The following CHADL variants were observed in gnomAD, a reference collection of about 807,000 sequenced individuals.
CHADL encodes the protein chondroadherin-like protein.
CHADL carries 48 observed loss-of-function variants against 52.1 expected under a neutral mutation model. The observed-to-expected ratio is 0.92, with a 90% CI of 0.73 to 1.17. The LOEUF is 1.17. Among genes scored for constraint, CHADL ranks in the 50% most tolerant of loss-of-function variants. The pLI is 0.00. For missense variants in CHADL, 977 were observed against 1,035.1 expected, an observed-to-expected ratio of 0.94 and a Z score of 0.77; for synonymous variants, 498 against 511.2, an observed-to-expected ratio of 0.97 and a Z score of 0.35.
chr22:41,233,187 C>T (rs760205178), intron 5 of CHADL, among the ~76,000 whole-genome samples: 20 of 152,186 alleles, frequency 1.3e-4, no homozygotes, highest in South Asian at 2.1e-4. Flanking sequence ...TTTGGCTGGG[C>T]GCAGTGGCTC....
chr22:41,233,743 T>C (rs1421680342), intron 5 of CHADL, among the ~76,000 whole-genome samples: 1 of 152,144 alleles, frequency 6.6e-6, no homozygotes, highest in Non-Finnish European at 1.5e-5. Context: ...GCTCCTAGCA[T>C]TTTGTTGTGG....
At position 41,238,441 on chromosome 22, in the gene CHADL, G is replaced by GCC; in HGVS notation, c.629_630dup (p.Leu211GlyfsTer81). 1 of 1,528,714 alleles carries GCC rather than the reference G, an allele frequency of 6.5e-7. No homozygotes were observed. Among genetic ancestry groups the GCC allele is most frequent in the Non-Finnish European group, 8.8e-7 (1 of 1,140,550 alleles). 94.7% of individuals were successfully genotyped at this position (1,528,714 alleles called of 1,614,324 possible). ...TGGAGCTCGTTGTGGTGTAGGCTGAGCCGTCTCAGGGCGGGCAGGCCAGCC... is the reference window on the plus strand; with the variant it reads ...TGGAGCTCGTTGTGGTGTAGGCTGAGCCCCGTCTCAGGGCGGGCAGGCCAGCC... On this transcript the variant is annotated frameshift_variant, in exon 3 of 6. Transcript: ENST00000216241. LOFTEE classifies it high-confidence loss of function. The surrounding 1 kb of genome is among the most constrained non-coding windows in gnomAD (Gnocchi z 4.9).
chr22:41,232,126 A>G (rs886513413), intron 5 of CHADL, among the ~76,000 whole-genome samples: 4 of 151,872 alleles, frequency 2.6e-5, no homozygotes, highest in African/African-American at 7.3e-5. Flanking sequence ...AGGTCAGGAG[A>G]TCGAGACCAT....
chr22:41,237,077 T>C, intron 3 of CHADL, 99 bp downstream of exon 3: 1 of 1,285,612 alleles, frequency 7.8e-7, no homozygotes, highest in Non-Finnish European at 1.1e-6. Flanking sequence ...GGCTGAGACC[T>C]GGCACCAAGG....
At chr22:41,237,135 G>A (rs1358724528) in intron 3 of CHADL, 41 bp downstream of exon 3, 4 of 1,494,934 alleles carry the variant, frequency 2.7e-6, no homozygotes, top group Non-Finnish European at 3.6e-6. Flanking sequence ...GTGGCCTTGT[G>A]CCGCCTCCTG....
intron 5 of CHADL, 41 bp from the exon 6 acceptor site, chr22:41,229,771 C>T (rs754120119): frequency 3.2e-6 from 5 of 1,562,380 alleles, no homozygotes; most frequent in Non-Finnish European, 3.5e-6. Context: ...TTGGCATTTT[C>T]TGGGCACCAA....
intron 5 of CHADL, chr22:41,230,415 T>C: frequency 3.3e-6 from 2 of 614,316 alleles, no homozygotes; most frequent in Admixed American, 5.6e-5. Flanking sequence ...TGGGGTCTCC[T>C]GGGACCCGCC....
At position 41,239,634 on chromosome 22, in the gene CHADL, G is replaced by A. The variant is rs1555924381; in HGVS notation, c.9-14C>T. 5.9e-6 allele frequency: 9 copies of A among 1,519,310 alleles called. 1 individual carries two copies. The South Asian group carries it at 1.1e-4, about 19-fold the overall frequency. 94.1% of individuals were successfully genotyped at this position (1,519,310 alleles called of 1,614,324 possible). A position where few individuals can be genotyped will look rare whatever the true frequency, so the allele number is the denominator to read the frequency against. ...GAGCTCCGGGGCCTGGGACGGGGAGGGAGAGTCTGTTGTGCACAAGGGCCG... is the reference window on the plus strand; with the variant it reads ...GAGCTCCGGGGCCTGGGACGGGGAGAGAGAGTCTGTTGTGCACAAGGGCCG... On this transcript the variant is annotated splice_polypyrimidine_tract_variant and intron_variant, in intron 1 of 5. Coordinates refer to ENST00000216241, the MANE Select transcript of CHADL (RefSeq NM_138481.2).
At chr22:41,230,483 GA>G in intron 5 of CHADL, 1 of 510,948 alleles carries the variant, frequency 2.0e-6, no homozygotes, top group Non-Finnish European at 3.5e-6. Flanking sequence ...TGAGGCCCCA[GA>G]ACTCGTCTGT....
At chr22:41,231,151 C>T (rs1046373690) in intron 5 of CHADL, 21 of 152,142 alleles carry the variant, frequency 1.4e-4, no homozygotes, top group Non-Finnish European at 7.3e-5. Context: ...CTGGAGGGGC[C>T]GTGAACACAG....
At chr22:41,232,113 A>G (rs1262118432) in intron 5 of CHADL, among the ~76,000 whole-genome samples, 5 of 152,090 alleles carry the variant, frequency 3.3e-5, no homozygotes, top group South Asian at 2.1e-4. Context: ...CGGGCGGATC[A>G]CAAGGTCAGG....
In CHADL at chr22:41,237,948, C is replaced by T. The variant is rs2032779024; in HGVS notation, c.1124G>A (p.Gly375Glu). Residue 375 changes from glycine (G) to glutamate (E), a missense_variant, in exon 3 of 6, where the codon GGG becomes GAG. Gly to Glu is a moderately conservative substitution (Grantham distance 98). Transcript: ENST00000216241. Reference sequence around the variant, plus strand: ...AGGGCCGCGCGGAGGGGCGCGGGGCCCGGCCACAGCCCGCTCTTCCAGCTC... The same window carrying T: ...AGGGCCGCGCGGAGGGGCGCGGGGCTCGGCCACAGCCCGCTCTTCCAGCTC... Reference protein sequence around the residue: ...EEELEERAVAGPRAPPRGPPR... With the variant: ...EEELEERAVAEPRAPPRGPPR... The T allele has an allele frequency of 7.9e-7, 1 of 1,263,498 alleles. No individual in the cohort carries two copies. The highest frequency in any genetic ancestry group is 1.6e-5 in the African/African-American group (1 of 63,822). 78.3% of individuals were successfully genotyped at this position (1,263,498 alleles called of 1,614,324 possible).
At chr22:41,239,007 C>T in intron 2 of CHADL, 122 bp from the exon 3 acceptor site, 2 of 1,283,430 alleles carry the variant, frequency 1.6e-6, no homozygotes, top group Non-Finnish European at 2.1e-6. Flanking sequence ...TTCATCCGAC[C>T]CCTGACACCT....
Position 41,238,865 on chromosome 22 carries a change from C to T in CHADL, c.207G>A (p.Leu69=). ...AIPELTQRLD[L]QGNLLKVIPA... is the part of the protein sequence containing the mutation. ...GGATCACCTTCAGCAAATTGCCCTG[C>T]AGGTCCAGCCGCTGGGTCAGCTGGG... The change falls in exon 3 of 6, where the codon CTG becomes CTA. Residue 69 remains leucine, a synonymous_variant. Coordinates refer to ENST00000216241, the MANE Select transcript of CHADL (RefSeq NM_138481.2). This position sits in a 1 kb window ranked among gnomAD's most constrained non-coding sequence, Gnocchi z 4.9. 3 of 1,537,970 alleles carry T rather than the reference C, an allele frequency of 2.0e-6. No individual in the cohort carries two copies. Among genetic ancestry groups the T allele is most frequent in the Non-Finnish European group, 2.6e-6 (3 of 1,137,444 alleles).
chr22:41,238,744 C>T lies in CHADL; in HGVS notation c.328G>A (p.Gly110Ser). 1 of 1,548,868 alleles carries T rather than the reference C, an allele frequency of 6.5e-7. No individual in the cohort carries two copies. Among genetic ancestry groups the T allele is most frequent in the South Asian group, 1.2e-5 (1 of 84,014 alleles). The part of the protein sequence containing the change: ...LVAEGAFRGL[G>S]RLLLLNLASN... ...GCCAGGTTGAGCAGGAGCAGGCGGC[C>T]CAGGCCACGGAAGGCGCCCTCGGCC... Residue 110 changes from glycine (G) to serine (S), a missense_variant, in exon 3 of 6, where the codon GGC becomes AGC. Gly to Ser is a moderately conservative substitution (Grantham distance 56, BLOSUM62 0). Coordinates refer to ENST00000216241, the MANE Select transcript of CHADL (RefSeq NM_138481.2). The surrounding 1 kb of genome is among the most constrained non-coding windows in gnomAD (Gnocchi z 4.9).
Position 41,229,593 on chromosome 22 carries a change from C to G in CHADL, c.*111G>C. ...ACCCCTCAGACAGGGGTCCAAGAAG[C>G]CCCTGCTGGAGGACGACCCTCAGGG... On this transcript the variant is annotated 3_prime_UTR_variant, in exon 6 of 6. Transcript: ENST00000216241. 1 of 1,613,734 alleles carries G rather than the reference C, an allele frequency of 6.2e-7. No individual in the cohort carries two copies. The highest frequency in any genetic ancestry group is 8.5e-7 in the Non-Finnish European group (1 of 1,179,740).
At chr22:41,231,780 CAG>C (rs1392868059) in intron 5 of CHADL, among the ~76,000 whole-genome samples, 1 of 152,172 alleles carries the variant, frequency 6.6e-6, no homozygotes, top group East Asian at 1.9e-4. Context: ...TCAGGACCCA[CAG>C]GGGCTCCTGG....
chr22:41,238,187 C>T lies in CHADL; in HGVS notation c.885G>A (p.Pro295=). 1.3e-6 allele frequency: 2 copies of T among 1,507,214 alleles called. No homozygotes were observed. The highest frequency in any genetic ancestry group is 1.8e-6 in the Non-Finnish European group (2 of 1,135,528). 93.4% of individuals were successfully genotyped at this position (1,507,214 alleles called of 1,614,324 possible). ...LRGNQLDTLP[P]LQGPGQLRRL... ...GGCGCAGCTGGCCCGGGCCCTGCAG[C>T]GGGGGCAGGGTGTCTAGCTGGTTCC... Residue 295 remains proline, a synonymous_variant, in exon 3 of 6, where the codon CCG becomes CCA. Transcript: ENST00000216241. The surrounding 1 kb of genome is among the most constrained non-coding windows in gnomAD (Gnocchi z 4.9).
rs1312497735 is a variant in CHADL, at chr22:41,238,503, G to A, written c.569C>T (p.Ser190Leu). The part of the protein sequence containing the change: ...GLLRVRWLRL[S>L]HNALSVLAPE... The stretch of plus-strand genomic sequence containing the variant: ...GGCCAGCACGCTGAGCGCGTTGTGC[G>A]ACAGCCGCAGCCAGCGGACGCGCAG... The change falls in exon 3 of 6, where the codon TCG (serine) becomes TTG (leucine). Residue 190 changes from serine to leucine, a missense_variant. Transcript: ENST00000216241. This position sits in a 1 kb window ranked among gnomAD's most constrained non-coding sequence, Gnocchi z 4.9. 6.5e-7 allele frequency: 1 copy of A among 1,540,308 alleles called. No individual in the cohort carries two copies. Among genetic ancestry groups the A allele is most frequent in the South Asian group, 1.2e-5 (1 of 83,770 alleles).
Sources: gnomAD v4.1 joint callset for allele counts (sites outside exome capture counted in the v4.1 genomes callset) on GRCh38, gnomAD v4.1.1 for gene constraint, Gnocchi (gnomAD v3.1) non-coding constraint, MANE v1.5 for transcripts, NCBI Gene and HGNC (gene_info 2026-07-23, HGNC 2026-07-21) for gene names.